Variants in LRP1B observed in about 807,000 individuals in gnomAD.
LRP1B encodes low-density lipoprotein receptor-related protein 1B.
Under a neutral mutation model 556.6 loss-of-function variants are expected in LRP1B, and 217 were observed. The ratio of observed to expected loss-of-function variants is 0.39; its 90% CI spans 0.35 to 0.44. The LOEUF (loss-of-function observed/expected upper bound fraction) is 0.44, where lower values mean the gene tolerates loss of function less well. Among genes scored for constraint, LRP1B ranks in the 20% least tolerant of loss-of-function variants. The pLI, the probability that LRP1B is intolerant of heterozygous loss-of-function variation, is 1.00. For synonymous variants in LRP1B, 2,047 were observed against 1,865.8 expected, an observed-to-expected ratio of 1.10 and a Z score of -2.50; for missense variants, 5,053 against 5,620.8, an observed-to-expected ratio of 0.90 and a Z score of 3.23.
chr2:141,226,566 G>A (rs956402203), intron 6 of LRP1B, among the ~76,000 whole-genome samples: 1 of 152,088 alleles, frequency 6.6e-6, no homozygotes, highest in Non-Finnish European at 1.5e-5. Flanking sequence ...TAAGAGAAAA[G>A]CACCTAAATA....
rs371510309 is a variant in LRP1B, at chr2:141,199,200, C to T, written c.851-10617G>A. On this transcript the variant is annotated intron_variant, in intron 6 of 90. Transcript: ENST00000389484. The stretch of plus-strand genomic sequence containing the variant: ...TAAGATTTACTGTCCCGCACAAATG[C>T]TTTCAGAAATACATCATCAATATCT... Among the ~76,000 whole-genome samples the T allele has an allele frequency of 3.9e-5, 6 of 152,138 alleles. No homozygotes were observed. In the East Asian group the frequency reaches 7.7e-4, roughly 20 times the overall value.
rs1683404109 is a variant in LRP1B at position 140,620,263 on chromosome 2, T to G, written c.6800-18624A>C. Among the ~76,000 whole-genome samples, 3 of 152,120 alleles carry G rather than the reference T, an allele frequency of 2.0e-5. No homozygotes were observed. The South Asian group carries it at 6.2e-4, about 32-fold the overall frequency. On this transcript the variant is annotated intron_variant, in intron 41 of 90. Coordinates refer to ENST00000389484, the MANE Select transcript of LRP1B (RefSeq NM_018557.3). ...AATGTGGTGACATCAAAAATGACAG[T>G]TATCGAGTTGGTTAAGAGAGATGAA...
intron 1 of LRP1B, among the ~76,000 whole-genome samples, chr2:141,980,949 T>TG (rs1352557024): frequency 1.3e-5 from 2 of 151,558 alleles, no homozygotes; most frequent in Non-Finnish European, 2.9e-5. Context: ...TCCTTCTCTC[T>TG]GAAAAAAAAA....
chr2:141,361,442 C>T (rs565282544), intron 3 of LRP1B, among the ~76,000 whole-genome samples: 1 of 152,050 alleles, frequency 6.6e-6, no homozygotes, highest in African/African-American at 2.4e-5. Context: ...TGCTGTTATA[C>T]AAATTCTACT....
At chr2:141,337,932 T>C (rs926905903) in intron 3 of LRP1B, among the ~76,000 whole-genome samples, 1 of 152,210 alleles carries the variant, frequency 6.6e-6, no homozygotes, top group Non-Finnish European at 1.5e-5. Context: ...CATCTTGAAT[T>C]GGGCCTGGTA....
At chr2:140,740,906 A>C (rs1688114939) in intron 35 of LRP1B, among the ~76,000 whole-genome samples, 1 of 152,052 alleles carries the variant, frequency 6.6e-6, no homozygotes, top group Admixed American at 6.6e-5. Flanking sequence ...ATTACATCTC[A>C]AAAGGCCCTA....
At chr2:141,756,434 T>C (rs1052465745) in intron 2 of LRP1B, among the ~76,000 whole-genome samples, 5 of 152,040 alleles carry the variant, frequency 3.3e-5, no homozygotes, top group Admixed American at 6.6e-5. Context: ...CCAGGACTTA[T>C]TATTTGAGGG....
intron 41 of LRP1B, among the ~76,000 whole-genome samples, chr2:140,693,900 GT>G (rs1403303003): frequency 6.6e-6 from 1 of 151,990 alleles, no homozygotes; most frequent in East Asian, 1.9e-4. Flanking sequence ...TAAAGACAGG[GT>G]TTTGCCATTT....
At chr2:141,544,308 T>TCG (rs1559130814) in intron 2 of LRP1B, among the ~76,000 whole-genome samples, 36 of 9,650 alleles carry the variant, frequency 3.7e-3, no homozygotes, top group African/African-American at 0.02. Flanking sequence ...CTTCTTCTTC[T>TCG]TCTTCTTCTT....
chr2:141,523,776 GC>G (rs1297728720), intron 2 of LRP1B, among the ~76,000 whole-genome samples: 1 of 152,118 alleles, frequency 6.6e-6, no homozygotes, highest in Non-Finnish European at 1.5e-5. Flanking sequence ...TTAGTGTCAG[GC>G]AAAAATGAAT....
rs765647398 is a variant in LRP1B at position 140,989,599 on chromosome 2, C to G, written c.2703G>C (p.Lys901Asn). 1 of 1,613,274 alleles carries G rather than the reference C, an allele frequency of 6.2e-7. No homozygotes were observed. Among genetic ancestry groups the G allele is most frequent in the South Asian group, 1.1e-5 (1 of 91,068 alleles). Residue 901 changes from lysine (K) to asparagine (N), a missense_variant, in exon 17 of 91, where the codon AAG becomes AAC. Physicochemically the swap from Lys to Asn is moderately conservative, Grantham distance 94. Coordinates refer to ENST00000389484, the MANE Select transcript of LRP1B (RefSeq NM_018557.3). ...FKCQNNRCIP[K>N]RWLCDGANDC... ...CATTAGCTCCATCACAAAGCCATCT[C>G]TTGGGGATGCAGCGATTATTCTGGC...
chr2:140,967,300 A>T (rs1558769763), intron 18 of LRP1B, among the ~76,000 whole-genome samples: 1 of 148,898 alleles, frequency 6.7e-6, no homozygotes, highest in Non-Finnish European at 1.5e-5. Context: ...ATTCTCTTTG[A>T]AGCAACTGTG....
chr2:141,975,527 ACTCTAATT>A (rs1266821520), intron 1 of LRP1B, among the ~76,000 whole-genome samples: 1 of 152,016 alleles, frequency 6.6e-6, no homozygotes, highest in Non-Finnish European at 1.5e-5. Flanking sequence ...TGGGTGGCAC[ACTCTAATT>A]CTTTTTATTC....
chr2:140,322,189 A>C, intron 81 of LRP1B, 101 bp from the exon 82 acceptor site: 1 of 1,123,030 alleles, frequency 8.9e-7, no homozygotes, highest in African/African-American at 1.6e-5. Flanking sequence ...AGCAATGTTG[A>C]AAAGTAATCA....
At chr2:140,279,204 T>A (rs1682814733) in intron 84 of LRP1B, among the ~76,000 whole-genome samples, 1 of 152,016 alleles carries the variant, frequency 6.6e-6, no homozygotes, top group African/African-American at 2.4e-5. Context: ...CTTTAGCATC[T>A]GATATTTTAG....
At chr2:140,469,747 C>G (rs912498499) in intron 60 of LRP1B, among the ~76,000 whole-genome samples, 1 of 152,156 alleles carries the variant, frequency 6.6e-6, no homozygotes, top group African/African-American at 2.4e-5. Flanking sequence ...AAGTAGGTTT[C>G]AATCTTCAAT....
chr2:140,818,974 G>A (rs1021015756), intron 31 of LRP1B, among the ~76,000 whole-genome samples: 2 of 148,250 alleles, frequency 1.3e-5, no homozygotes, highest in Admixed American at 6.7e-5. Context: ...AATGTGCTGA[G>A]GAAACCCAAG....
intron 7 of LRP1B, among the ~76,000 whole-genome samples, chr2:141,182,089 T>G (rs1391854602): frequency 6.6e-6 from 1 of 151,974 alleles, no homozygotes; most frequent in Non-Finnish European, 1.5e-5. Context: ...AGTAAATTGG[T>G]CTAAGATAGG....
rs1225934670 is a variant in LRP1B at position 140,883,710 on chromosome 2, CA to C, written c.4169+106del. ...CGCCACACACACACATACATGGGCA[CA>C]AAATAACCACTTTGACTCATAATTG... On this transcript the variant is annotated intron_variant, in intron 25 of 90. Coordinates refer to ENST00000389484, the MANE Select transcript of LRP1B (RefSeq NM_018557.3). 12 of 1,004,088 alleles carry C rather than the reference CA, an allele frequency of 1.2e-5. No individual in the cohort carries two copies. In the African/African-American group the frequency reaches 2.0e-4, roughly 17 times the overall value. The allele number at this position is 1,004,088 out of a possible 1,614,324, so 62.2% of individuals were successfully genotyped here. A position where few individuals can be genotyped will look rare whatever the true frequency, so the allele number is the denominator to read the frequency against.
Sources: gnomAD v4.1 joint callset for allele counts (sites outside exome capture counted in the v4.1 genomes callset) on GRCh38, gnomAD v4.1.1 for gene constraint, MANE v1.5 for transcripts, NCBI Gene and HGNC (gene_info 2026-07-23, HGNC 2026-07-21) for gene names.